PTPRD: variants seen among roughly 807,000 people sequenced by gnomAD.
PTPRD encodes the protein receptor-type tyrosine-protein phosphatase delta.
In PTPRD, 34 loss-of-function variants were observed where a neutral mutation model predicts 214.5. The ratio of observed to expected loss-of-function variants is 0.16; its 90% CI spans 0.12 to 0.21. The LOEUF (loss-of-function observed/expected upper bound fraction) is 0.21. PTPRD is among the 10% of genes least tolerant of loss of function. PTPRD has a pLI of 1.00. For missense variants in PTPRD, 2,545 were observed against 2,398.7 expected (o/e 1.06, Z -1.27); for synonymous variants, 1,128 against 845.7 (o/e 1.33, Z -5.79).
At chr9:9,815,269 A>G (rs2048402122) in intron 5 of PTPRD, among the ~76,000 whole-genome samples, 1 of 152,172 alleles carries the variant, frequency 6.6e-6, no homozygotes, top group Non-Finnish European at 1.5e-5. Flanking sequence ...CAATGGAGAA[A>G]GGACAGTATC....
At chr9:9,964,055 G>GAC (rs139256552) in intron 4 of PTPRD, among the ~76,000 whole-genome samples, 5 of 78,764 alleles carry the variant, frequency 6.3e-5, no homozygotes, top group Admixed American at 1.7e-4. Flanking sequence ...CAGAGGCAGA[G>GAC]GCAGGCAGAG....
chr9:9,723,778 A>G (rs1322974487), intron 7 of PTPRD, among the ~76,000 whole-genome samples: 1 of 152,080 alleles, frequency 6.6e-6, no homozygotes, highest in Non-Finnish European at 1.5e-5. Flanking sequence ...ACTGTTTTGA[A>G]TAGAAGTGTT....
intron 33 of PTPRD, among the ~76,000 whole-genome samples, chr9:8,454,809 ATAGTG>A (rs1240737764): frequency 9.3e-6 from 1 of 107,732 alleles, no homozygotes. Flanking sequence ...CACTGAATAC[ATAGTG>A]TGTGTGTGTG....
intron 14 of PTPRD, among the ~76,000 whole-genome samples, chr9:8,587,205 A>G (rs2093733129): frequency 6.6e-6 from 1 of 152,200 alleles, no homozygotes. Context: ...TTAAGAGACC[A>G]GGGTTACACT....
intron 5 of PTPRD, among the ~76,000 whole-genome samples, chr9:9,891,826 C>T (rs2073441331): frequency 6.6e-6 from 1 of 152,040 alleles, no homozygotes; most frequent in African/African-American, 2.4e-5. Flanking sequence ...GCTTTTAAGT[C>T]ATAAGATTTA....
chr9:10,511,267 C>G (rs1325732723), intron 2 of PTPRD, among the ~76,000 whole-genome samples: 1 of 152,168 alleles, frequency 6.6e-6, no homozygotes, highest in East Asian at 1.9e-4. Flanking sequence ...GTTTCTAATT[C>G]TCTCAGATAA....
chr9:9,022,816 A>C (rs1038219696), intron 10 of PTPRD, among the ~76,000 whole-genome samples: 5 of 152,312 alleles, frequency 3.3e-5, no homozygotes, highest in South Asian at 4.1e-4. Flanking sequence ...ATATTGGAAT[A>C]TTCAAAAATG....
chr9:9,837,061 C>T (rs1328293253), intron 5 of PTPRD, among the ~76,000 whole-genome samples: 1 of 146,948 alleles, frequency 6.8e-6, no homozygotes. Flanking sequence ...TCTATAGTAG[C>T]TCTACATACA....
chr9:8,976,228 G>A (rs1300266465), intron 11 of PTPRD, among the ~76,000 whole-genome samples: 1 of 151,928 alleles, frequency 6.6e-6, no homozygotes, highest in Non-Finnish European at 1.5e-5. Context: ...TGATAGTTAG[G>A]GTAATCACTA....
intron 5 of PTPRD, among the ~76,000 whole-genome samples, chr9:9,787,297 C>G (rs1433600539): frequency 6.6e-6 from 1 of 151,186 alleles, no homozygotes; most frequent in Non-Finnish European, 1.5e-5. Context: ...AGAGTGCTAC[C>G]TCACCAAGCT....
chr9:9,068,765 C>A (rs1048642245), intron 10 of PTPRD, among the ~76,000 whole-genome samples: 15 of 152,068 alleles, frequency 9.9e-5, no homozygotes, highest in African/African-American at 3.6e-4. Flanking sequence ...GCGCGTGTCA[C>A]CATACCTAGC....
At chr9:8,968,829 G>A (rs919323679) in intron 11 of PTPRD, among the ~76,000 whole-genome samples, 1 of 151,988 alleles carries the variant, frequency 6.6e-6, no homozygotes, top group Non-Finnish European at 1.5e-5. Flanking sequence ...AATCCAAAAA[G>A]CAAGATCATT....
At chr9:10,446,417 CTT>C (rs34478548) in intron 2 of PTPRD, among the ~76,000 whole-genome samples, 1,023 of 92,910 alleles carry the variant, frequency 0.011, 3 homozygotes, top group African/African-American at 0.033. Context: ...CTATTTTTTT[CTT>C]TTTTTTTTTT....
intron 2 of PTPRD, among the ~76,000 whole-genome samples, chr9:10,547,283 T>C (rs1170107794): frequency 6.6e-6 from 1 of 152,104 alleles, no homozygotes; most frequent in African/African-American, 2.4e-5. Flanking sequence ...TTATAGAATG[T>C]AGTTTGATTA....
chr9:8,974,042 C>T (rs1391791514), intron 11 of PTPRD, among the ~76,000 whole-genome samples: 1 of 152,024 alleles, frequency 6.6e-6, no homozygotes, highest in Non-Finnish European at 1.5e-5. Context: ...TTTTGTTTTG[C>T]AGAAGTGCTT....
At chr9:9,451,415 A>C (rs2092138356) in intron 8 of PTPRD, among the ~76,000 whole-genome samples, 1 of 151,822 alleles carries the variant, frequency 6.6e-6, no homozygotes, top group South Asian at 2.1e-4. Context: ...GCAATTTTGC[A>C]GTTTGTTTCC....
At chr9:9,025,704 C>G (rs1266804843) in intron 10 of PTPRD, among the ~76,000 whole-genome samples, 1 of 151,918 alleles carries the variant, frequency 6.6e-6, no homozygotes, top group Non-Finnish European at 1.5e-5. Flanking sequence ...AAAGCATGAG[C>G]TTTGAGGACA....
intron 4 of PTPRD, among the ~76,000 whole-genome samples, chr9:10,028,909 T>C (rs988918554): frequency 9.2e-5 from 14 of 151,924 alleles, no homozygotes; most frequent in South Asian, 2.1e-4. Context: ...ATGTCAGAGG[T>C]CTTCACAGCA....
intron 10 of PTPRD, among the ~76,000 whole-genome samples, chr9:9,175,608 G>A (rs1438098653): frequency 1.8e-5 from 2 of 112,682 alleles, no homozygotes; most frequent in Non-Finnish European, 3.4e-5. Flanking sequence ...GGGCAACAGA[G>A]TGAGACTCTG....
Sources: allele counts gnomAD v4.1 joint callset (sites outside exome capture counted in the v4.1 genomes callset), GRCh38; gene constraint gnomAD v4.1.1; transcripts MANE v1.5; gene names NCBI Gene and HGNC (gene_info 2026-07-23, HGNC 2026-07-21).